Variants in LRRC41 observed in about 807,000 individuals in gnomAD.
LRRC41 encodes the protein leucine-rich repeat-containing protein 41.
In LRRC41, 17 loss-of-function variants were observed where a neutral mutation model predicts 72.1. That is an observed-to-expected ratio of 0.24 (90% confidence interval 0.16 to 0.35). The LOEUF is 0.35. Ranked by LOEUF, LRRC41 falls within the 10% of genes least tolerant of loss-of-function variation. LRRC41 has a pLI of 1.00. For missense variants in LRRC41, 759 were observed against 1,065.0 expected (o/e 0.71, Z 4.00); for synonymous variants, 427 against 431.0 (o/e 0.99, Z 0.11).
intron 3 of LRRC41, among the ~76,000 whole-genome samples, chr1:46,291,056 C>G (rs1661005860): frequency 6.7e-6 from 1 of 149,014 alleles, no homozygotes; most frequent in African/African-American, 2.5e-5. Flanking sequence ...TCCCAAGTAG[C>G]TGGGATTACA....
intron 3 of LRRC41, among the ~76,000 whole-genome samples, chr1:46,293,536 C>T (rs1661061321): frequency 6.6e-6 from 1 of 152,072 alleles, no homozygotes; most frequent in South Asian, 2.1e-4. Flanking sequence ...AGCCATCACA[C>T]CCGGCCTGAT....
chr1:46,295,796 C>G (rs936585417), intron 3 of LRRC41, among the ~76,000 whole-genome samples: 1 of 152,326 alleles, frequency 6.6e-6, no homozygotes, highest in South Asian at 2.1e-4. Flanking sequence ...TTCTAATATT[C>G]TTGAGTCTGC....
intron 7 of LRRC41, among the ~76,000 whole-genome samples, 171 bp downstream of exon 7, chr1:46,280,021 T>G (rs1157872098): frequency 1.3e-5 from 2 of 152,164 alleles, no homozygotes; most frequent in Non-Finnish European, 2.9e-5. Flanking sequence ...TCATGTTTAG[T>G]AGAGGAGGAA....
In LRRC41 at chr1:46,281,364, C is replaced by T. The variant is rs140244443; in HGVS notation, c.1517G>A (p.Arg506His). ...SYNGLGSNIF[R>H]LLDSLRALSG... The stretch of plus-strand genomic sequence containing the variant: ...CAGGGCCCGCAGGCTGTCTAGCAGG[C>T]GGAAGATGTTAGAGCCCAGGCCTAT... The change falls in exon 5 of 10, where the codon CGC becomes CAC. Residue 506 changes from arginine (R) to histidine (H), a missense_variant. Physicochemically the swap from Arg to His is conservative, Grantham distance 29. This residue lies in a region of LRRC41 where 427 missense variants were observed against 520.9 expected (regional missense o/e 0.82). Transcript: ENST00000617190. The T allele has an allele frequency of 1.4e-3, 2,206 of 1,614,086 alleles. 4 individuals carry two copies. The highest frequency in any genetic ancestry group is 1.7e-3 in the Non-Finnish European group (1,953 of 1,179,998).
chr1:46,303,075 G>A, intron 1 of LRRC41, 49 bp downstream of exon 1: 1 of 1,337,554 alleles, frequency 7.5e-7, no homozygotes, highest in Admixed American at 3.7e-5. Flanking sequence ...CCGGCCGCTG[G>A]GCCGCCCCTT....
intron 2 of LRRC41, 56 bp from the exon 3 acceptor site, chr1:46,297,689 T>G: frequency 7.9e-7 from 1 of 1,264,948 alleles, no homozygotes; most frequent in Non-Finnish European, 1.2e-6. Context: ...GTAAAGTACA[T>G]CAACCTTTCA....
Position 46,277,920 on chromosome 1 carries a change from T to C in LRRC41, c.*945A>G. The C allele has an allele frequency of 6.2e-7, 1 of 1,614,154 alleles. No individual in the cohort carries two copies. The highest frequency in any genetic ancestry group is 1.7e-5 in the Admixed American group (1 of 60,014). ...CAGGATGTAGAGCGCCACTTCTCTCTGGGCGAGTTGAAGGAGCTGTTTATC... is the reference window on the plus strand; with the variant it reads ...CAGGATGTAGAGCGCCACTTCTCTCCGGGCGAGTTGAAGGAGCTGTTTATC... On this transcript the variant is annotated 3_prime_UTR_variant, in exon 10 of 10. Coordinates refer to ENST00000617190, the MANE Select transcript of LRRC41 (RefSeq NM_006369.5).
At position 46,285,772 on chromosome 1, in the gene LRRC41, G is replaced by A. The variant is rs537137333; in HGVS notation, c.1085C>T (p.Ala362Val). The change falls in exon 4 of 10, where the codon GCA (alanine) becomes GTA (valine). Residue 362 changes from alanine to valine, a missense_variant. Ala to Val is a moderately conservative substitution (Grantham distance 64, BLOSUM62 0). Around this residue, in one of 4 missense-constraint regions of LRRC41, gnomAD observed 427 missense variants for 520.9 expected, o/e 0.82. Transcript: ENST00000617190. The surrounding 1 kb of genome is among the most constrained non-coding windows in gnomAD (Gnocchi z 5.3). ...AGAAGAAGAGGCAGAGGAGGTGGCTGCTGGAGCAGAAGGTGACCGCTTGGT... is the reference window on the plus strand; with the variant it reads ...AGAAGAAGAGGCAGAGGAGGTGGCTACTGGAGCAGAAGGTGACCGCTTGGT... ...PGTKRSPSAP[A>V]ATSSASSSTS... The A allele has an allele frequency of 1.3e-5, 20 of 1,596,784 alleles. No individual in the cohort carries two copies. In the African/African-American group the frequency reaches 2.6e-4, roughly 20 times the overall value.
chr1:46,277,864 G>A lies in LRRC41; in HGVS notation c.*1001C>T. ...TCTTCCAGCGTCAGAGCCACAAGAA[G>A]GCACTGAGCAGCTGTGTGGTGGATG... On this transcript the variant is annotated 3_prime_UTR_variant, in exon 10 of 10. Transcript: ENST00000617190. 6.2e-7 allele frequency: 1 copy of A among 1,613,558 alleles called. No individual in the cohort carries two copies.
At chr1:46,298,452 G>A in intron 1 of LRRC41, 82 bp from the exon 2 acceptor site, 3 of 804,470 alleles carry the variant, frequency 3.7e-6, no homozygotes, top group Non-Finnish European at 5.9e-6. Flanking sequence ...TTATTCTACT[G>A]GAAAGGAAAA....
chr1:46,279,469 C>T lies in LRRC41; in HGVS notation c.2143+23G>A, dbSNP rs747019702. 1 of 1,614,174 alleles carries T rather than the reference C, an allele frequency of 6.2e-7. No homozygotes were observed. Among genetic ancestry groups the T allele is most frequent in the Non-Finnish European group, 8.5e-7 (1 of 1,180,042 alleles). On this transcript the variant is annotated intron_variant, in intron 8 of 9. Coordinates refer to ENST00000617190, the MANE Select transcript of LRRC41 (RefSeq NM_006369.5). The surrounding 1 kb of genome is among the most constrained non-coding windows in gnomAD (Gnocchi z 4.5). ...AAAGGCCTAGCTCCTTTCCCCTCTC[C>T]CTCCCCAGGGTCTGGCCCCCACCCA...
chr1:46,289,752 C>T (rs1165926725), intron 3 of LRRC41, among the ~76,000 whole-genome samples: 1 of 151,932 alleles, frequency 6.6e-6, no homozygotes, highest in Admixed American at 6.6e-5. Flanking sequence ...TAGAGCAAGA[C>T]TCCGTCTCCA....
chr1:46,303,260 C>T lies in LRRC41; in HGVS notation c.63G>A (p.Thr21=), dbSNP rs759764386. 5.2e-6 allele frequency: 8 copies of T among 1,546,638 alleles called. No individual in the cohort carries two copies. The highest frequency in any genetic ancestry group is 3.4e-4 in the Middle Eastern group (2 of 5,938). Residue 21 remains threonine, a synonymous_variant, in exon 1 of 10, where the codon ACG becomes ACA. Coordinates refer to ENST00000617190, the MANE Select transcript of LRRC41 (RefSeq NM_006369.5). The stretch of plus-strand genomic sequence containing the variant: ...CCTCCCGGGACGTGGCCTCCATGGT[C>T]GTTGCCGCCGCTACCTCACAGAACC... ...SCWFCEVAAA[T]TMEATSREAA...
At chr1:46,291,535 C>T (rs1661015614) in intron 3 of LRRC41, among the ~76,000 whole-genome samples, 1 of 143,616 alleles carries the variant, frequency 7.0e-6, no homozygotes, top group African/African-American at 2.6e-5. Context: ...TAAGGTCTCA[C>T]TGTGTTGCCC....
chr1:46,298,209 G>T lies in LRRC41; in HGVS notation c.286+75C>A. 1.9e-6 allele frequency: 2 copies of T among 1,049,992 alleles called. 1 individual carries two copies. The highest frequency in any genetic ancestry group is 4.2e-5 in the Admixed American group (2 of 47,588). The allele number at this position is 1,049,992 out of a possible 1,614,324, so 65.0% of individuals were successfully genotyped here. A position where few individuals can be genotyped will look rare whatever the true frequency, so the allele number is the denominator to read the frequency against. On this transcript the variant is annotated intron_variant, in intron 2 of 9. Transcript: ENST00000617190. Reference sequence around the variant, plus strand: ...CACGAAGTTCTAGCAGGTATCAGGGGTAATATTTACCGGAAGAACATTATG... The same window carrying T: ...CACGAAGTTCTAGCAGGTATCAGGGTTAATATTTACCGGAAGAACATTATG...
In LRRC41 at chr1:46,278,464, T is replaced by C; in HGVS notation, c.*401A>G. 1 of 767,326 alleles carries C rather than the reference T, an allele frequency of 1.3e-6. No homozygotes were observed. The highest frequency in any genetic ancestry group is 1.7e-5 in the South Asian group (1 of 58,120). 47.5% of individuals were successfully genotyped at this position (767,326 alleles called of 1,614,324 possible). ...TTGGTTAAAAAAAAGAATAAAGGTA[T>C]GAAAGGGTTTGAGGCCTGAGAGCAG... On this transcript the variant is annotated 3_prime_UTR_variant, in exon 10 of 10. Transcript: ENST00000617190.
intron 3 of LRRC41, among the ~76,000 whole-genome samples, chr1:46,290,085 G>A (rs1660975396): frequency 6.6e-6 from 1 of 152,186 alleles, no homozygotes; most frequent in Admixed American, 6.6e-5. Flanking sequence ...GCTGATACCA[G>A]AAATACTGTG....
intron 2 of LRRC41, among the ~76,000 whole-genome samples, 174 bp downstream of exon 2, chr1:46,298,110 A>G (rs183258985): frequency 1.3e-5 from 2 of 152,192 alleles, no homozygotes; most frequent in South Asian, 4.1e-4. Flanking sequence ...TAAAGATCAT[A>G]TACTTGGCTT....
rs1163681959 is a variant in LRRC41 at position 46,279,698 on chromosome 1, G to T, written c.2021-84C>A. 3.3e-6 allele frequency: 5 copies of T among 1,537,848 alleles called. No homozygotes were observed. The African/African-American group carries it at 6.8e-5, about 21-fold the overall frequency. ...CTGCCCCAGTTGGCCCTAGCAAGGG[G>T]TATTAACATTATAGAGGCCCAAAAA... is the stretch of plus-strand genomic sequence containing the variant. On this transcript the variant is annotated intron_variant, in intron 7 of 9. Transcript: ENST00000617190. This position sits in a 1 kb window ranked among gnomAD's most constrained non-coding sequence, Gnocchi z 4.5.
Sources: gnomAD v4.1 joint callset for allele counts (sites outside exome capture counted in the v4.1 genomes callset) on GRCh38, gnomAD v4.1.1 for gene constraint, gnomAD v4.1.1 regional missense constraint, Gnocchi (gnomAD v3.1) non-coding constraint, MANE v1.5 for transcripts, NCBI Gene and HGNC (gene_info 2026-07-23, HGNC 2026-07-21) for gene names.